MAST2: variants seen among roughly 807,000 people sequenced by gnomAD.
MAST2 encodes microtubule associated serine/threonine kinase 2.
A neutral mutation model predicts 147.4 loss-of-function variants in MAST2; 70 were observed. The ratio of observed to expected loss-of-function variants is 0.47; its 90% CI spans 0.39 to 0.58. The LOEUF (loss-of-function observed/expected upper bound fraction) is 0.58. Ranked by LOEUF, MAST2 falls within the 20% of genes least tolerant of loss-of-function variation. MAST2 has a pLI of 0.00. For synonymous variants in MAST2, 869 were observed against 896.8 expected (o/e 0.97, Z 0.55); for missense variants, 2,080 against 2,302.3 (o/e 0.90, Z 1.98).
chr1:45,891,568 G>T (rs1331899936), intron 4 of MAST2, among the ~76,000 whole-genome samples: 1 of 151,970 alleles, frequency 6.6e-6, no homozygotes, highest in Non-Finnish European at 1.5e-5. Flanking sequence ...GACAATAAAA[G>T]ACAAACTAGA....
intron 11 of MAST2, 79 bp from the exon 12 acceptor site, chr1:46,021,871 C>A (rs1347833747): frequency 1.4e-6 from 2 of 1,407,598 alleles, no homozygotes; most frequent in African/African-American, 2.8e-5. Flanking sequence ...TCTCAGTCTA[C>A]TATATGCTGT....
At chr1:46,003,769 G>A (rs1645369288) in intron 7 of MAST2, among the ~76,000 whole-genome samples, 1 of 152,136 alleles carries the variant, frequency 6.6e-6, no homozygotes, top group Admixed American at 6.5e-5. Context: ...ACCCAGCCGA[G>A]CAACTTTTTA....
intron 9 of MAST2, among the ~76,000 whole-genome samples, chr1:46,008,614 T>C (rs1645586151): frequency 1.3e-5 from 2 of 152,232 alleles, no homozygotes; most frequent in South Asian, 4.1e-4. Flanking sequence ...GTTTCTTCAC[T>C]ACCCAGAAGT....
In MAST2 at chr1:45,894,956, C is replaced by T. The variant is rs1202228967; in HGVS notation, c.500+12561C>T. On this transcript the variant is annotated intron_variant, in intron 4 of 28. Coordinates refer to ENST00000361297, the MANE Select transcript of MAST2 (RefSeq NM_015112.3). Reference sequence around the variant, plus strand: ...CCCACAGAAACAATTTGGGGTCCTTCATTTTATGAATTTTGGCAAATATAT... The same window carrying T: ...CCCACAGAAACAATTTGGGGTCCTTTATTTTATGAATTTTGGCAAATATAT... Among the ~76,000 whole-genome samples, 3 of 152,270 alleles carry T rather than the reference C, an allele frequency of 2.0e-5. No homozygotes were observed. In the East Asian group the frequency reaches 5.8e-4, roughly 29 times the overall value.
rs779247852 is a variant in MAST2 at position 46,031,474 on chromosome 1, G to T, written c.3076G>T (p.Ala1026Ser). Residue 1026 changes from alanine (A) to serine (S), a missense_variant, in exon 24 of 29, where the codon GCC (alanine) becomes TCC (serine). This residue lies in a region of MAST2 where 1,278 missense variants were observed against 1,304.2 expected (regional missense o/e 0.98). Coordinates refer to ENST00000361297, the MANE Select transcript of MAST2 (RefSeq NM_015112.3). The surrounding 1 kb of genome is among the most constrained non-coding windows in gnomAD (Gnocchi z 4.1). ...CATCAGTGACCTGGCTGTGCGTAGG[G>T]CCCGCCACCGGCTGCTCTCTGGGGA... ...KAISDLAVRR[A>S]RHRLLSGDST... is the part of the protein sequence containing the mutation. 6.2e-7 allele frequency: 1 copy of T among 1,614,132 alleles called. No homozygotes were observed. The highest frequency in any genetic ancestry group is 1.1e-5 in the South Asian group (1 of 91,072).
intron 22 of MAST2, 45 bp from the exon 23 acceptor site, chr1:46,030,962 A>C (rs768161754): frequency 3.8e-6 from 6 of 1,591,310 alleles, no homozygotes; most frequent in Non-Finnish European, 5.1e-6. Context: ...TGGCAGGAGG[A>C]GGGGGACCAC....
intron 26 of MAST2, 119 bp downstream of exon 26, chr1:46,032,837 A>C: frequency 7.4e-7 from 1 of 1,356,138 alleles, no homozygotes; most frequent in Non-Finnish European, 1.0e-6. Flanking sequence ...GTATGGATGT[A>C]GGTACACACA....
chr1:45,978,490 TG>T lies in MAST2; in HGVS notation c.592+19016del, dbSNP rs1337928946. ...AAGATCACGGCACTGCACTCCAGCCTGGGCAACAGAGCGAGACTCTGTCTCA... is the reference window on the plus strand; with the variant it reads ...AAGATCACGGCACTGCACTCCAGCCTGGCAACAGAGCGAGACTCTGTCTCA... On this transcript the variant is annotated intron_variant, in intron 5 of 28. Coordinates refer to ENST00000361297, the MANE Select transcript of MAST2 (RefSeq NM_015112.3). 2.6e-5 allele frequency among the ~76,000 whole-genome samples: 4 copies of T among 152,184 alleles called. No homozygotes were observed. The East Asian group carries it at 7.7e-4, about 29-fold the overall frequency.
chr1:45,998,750 C>T (rs1474874996), intron 6 of MAST2, among the ~76,000 whole-genome samples: 4 of 147,252 alleles, frequency 2.7e-5, no homozygotes, highest in African/African-American at 5.0e-5. Flanking sequence ...TTTTTTGAGA[C>T]GGAGTCTCAC....
chr1:45,943,541 C>T lies in MAST2; in HGVS notation c.501-15845C>T, dbSNP rs543259237. ...ATGAAACTTATGAAATGTTTCAGTACTTGAAGATCAAAAAGCATTCTTAGT... is the reference window on the plus strand; with the variant it reads ...ATGAAACTTATGAAATGTTTCAGTATTTGAAGATCAAAAAGCATTCTTAGT... On this transcript the variant is annotated intron_variant, in intron 4 of 28. Transcript: ENST00000361297. Among the ~76,000 whole-genome samples the T allele has an allele frequency of 1.1e-4, 17 of 152,290 alleles. No homozygotes were observed. The South Asian group carries it at 3.3e-3, about 30-fold the overall frequency.
chr1:45,943,660 C>T (rs1454071987), intron 4 of MAST2, among the ~76,000 whole-genome samples: 8 of 152,124 alleles, frequency 5.3e-5, no homozygotes, highest in Non-Finnish European at 7.3e-5. Context: ...GCAGGAGAAT[C>T]GCTTGAACCC....
intron 4 of MAST2, among the ~76,000 whole-genome samples, chr1:45,949,281 A>G (rs978855350): frequency 1.3e-5 from 2 of 152,242 alleles, no homozygotes; most frequent in Non-Finnish European, 2.9e-5. Context: ...CAGAGTAAAC[A>G]GACAACCTAC....
intron 4 of MAST2, among the ~76,000 whole-genome samples, chr1:45,900,173 C>CAAAAAAAAAAAAAAAAAAAAA (rs59051138): frequency 3.7e-5 from 2 of 54,096 alleles, no homozygotes; most frequent in African/African-American, 1.8e-4. Flanking sequence ...CTCTCTCTCT[C>CAAAAAAAAAAAAAAAAAAAAA]AAAAAAAAAA....
chr1:45,939,553 G>GCCAC (rs1656855330), intron 4 of MAST2, among the ~76,000 whole-genome samples: 1 of 151,196 alleles, frequency 6.6e-6, no homozygotes, highest in Non-Finnish European at 1.5e-5. Context: ...GGGGGGGTGG[G>GCCAC]GTCGCAGGGG....
intron 5 of MAST2, among the ~76,000 whole-genome samples, chr1:45,984,268 A>G (rs1644526244): frequency 1.3e-5 from 2 of 151,566 alleles, no homozygotes; most frequent in Admixed American, 6.6e-5. Context: ...TGGGAGCTAC[A>G]TGTCTTTGTG....
At chr1:45,948,457 C>T (rs973974436) in intron 4 of MAST2, among the ~76,000 whole-genome samples, 1 of 151,986 alleles carries the variant, frequency 6.6e-6, no homozygotes, top group Admixed American at 6.6e-5. Flanking sequence ...CCTGTAATCC[C>T]AGCACTTTGG....
intron 5 of MAST2, among the ~76,000 whole-genome samples, chr1:45,988,848 G>C (rs954494854): frequency 1.4e-5 from 2 of 142,118 alleles, no homozygotes; most frequent in Admixed American, 7.2e-5. Context: ...GTTTTGGTTT[G>C]TTGTTGTTTT....
intron 2 of MAST2, among the ~76,000 whole-genome samples, chr1:45,826,147 A>G (rs950184796): frequency 6.6e-6 from 1 of 152,156 alleles, no homozygotes; most frequent in African/African-American, 2.4e-5. Flanking sequence ...CAACCAGAAT[A>G]TTCAGTGTTT....
At chr1:45,975,022 A>G (rs975856032) in intron 5 of MAST2, among the ~76,000 whole-genome samples, 6 of 152,196 alleles carry the variant, frequency 3.9e-5, no homozygotes, top group African/African-American at 1.4e-4. Context: ...TATGGAGAAC[A>G]GAGGGAGAAT....
Sources: allele counts gnomAD v4.1 joint callset (sites outside exome capture counted in the v4.1 genomes callset), GRCh38; gene constraint gnomAD v4.1.1; regional missense constraint gnomAD v4.1.1; non-coding constraint Gnocchi (gnomAD v3.1); transcripts MANE v1.5; gene names NCBI Gene and HGNC (gene_info 2026-07-23, HGNC 2026-07-21).